The following FAM120C variants were observed in gnomAD, a reference collection of about 807,000 sequenced individuals.
FAM120C encodes the protein constitutive coactivator of PPAR-gamma-like protein 2.
A neutral mutation model predicts 71.2 loss-of-function variants in FAM120C; 14 were observed. The observed-to-expected ratio is 0.20, with a 90% CI of 0.13 to 0.31. FAM120C has a LOEUF of 0.31. Ranked by LOEUF, FAM120C falls within the 10% of genes least tolerant of loss-of-function variation. FAM120C has a pLI of 1.00. For synonymous variants in FAM120C, 354 were observed against 353.2 expected, an observed-to-expected ratio of 1.00 and a Z score of -0.03; for missense variants, 500 against 879.0, an observed-to-expected ratio of 0.57 and a Z score of 5.45.
intron 4 of FAM120C, among the ~76,000 whole-genome samples, chrX:54,137,178 C>A (rs1398009227): frequency 4.5e-5 from 5 of 111,189 alleles, no homozygotes; most frequent in African/African-American, 1.6e-4. Context: ...GTCTCGAACT[C>A]CTGACCTCAA....
chrX:54,087,815 C>G lies in FAM120C; in HGVS notation c.2577G>C (p.Gln859His), dbSNP rs782012711. 2.5e-6 allele frequency: 3 copies of G among 1,209,406 alleles called. No homozygotes were observed. Among genetic ancestry groups the G allele is most frequent in the Non-Finnish European group, 3.4e-6 (3 of 895,197 alleles). The change falls in exon 12 of 16, where the codon CAG becomes CAC. Residue 859 changes from glutamine to histidine, a missense_variant. By Grantham distance (24) the Gln-to-His change is conservative. Transcript: ENST00000375180. ...CTCGGCCTGCTTTAATTAGCTTGCT[C>G]TGGAACAGCTTGCCATCAAAGTAAA... ...PWIYFDGKLF[Q>H]SKLIKAGRER...
At chrX:54,106,859 C>T (rs1603354360) in intron 10 of FAM120C, among the ~76,000 whole-genome samples, 1 of 111,823 alleles carries the variant, frequency 8.9e-6, no homozygotes, top group Non-Finnish European at 1.9e-5. Flanking sequence ...GATACCATCT[C>T]ACACCAGTTA....
intron 4 of FAM120C, chrX:54,147,599 C>A (rs868991953): frequency 1.5e-4 from 18 of 118,782 alleles, no homozygotes; most frequent in African/African-American, 5.4e-4. Flanking sequence ...GGCATGGACT[C>A]TGTGAAGGAA....
intron 10 of FAM120C, among the ~76,000 whole-genome samples, chrX:54,112,154 T>C (rs1201300673): frequency 1.8e-5 from 2 of 112,160 alleles, no homozygotes; most frequent in African/African-American, 6.5e-5. Context: ...TGGTGGCTTA[T>C]GCCTGTAATC....
intron 10 of FAM120C, among the ~76,000 whole-genome samples, chrX:54,097,127 A>C (rs1260750613): frequency 8.9e-6 from 1 of 112,329 alleles, no homozygotes; most frequent in African/African-American, 3.2e-5. Context: ...ACCTGATCCA[A>C]GTGAAACAAT....
At chrX:54,090,731 T>C (rs1341030088) in intron 11 of FAM120C, among the ~76,000 whole-genome samples, 1 of 111,369 alleles carries the variant, frequency 9.0e-6, no homozygotes, top group Non-Finnish European at 1.9e-5. Context: ...TATTCTTTTA[T>C]AGCAACACAA....
At position 54,068,423 on chromosome X, in the gene FAM120C, A is replaced by G. The variant is rs1557119748; in HGVS notation, c.*4610T>C. On this transcript the variant is annotated 3_prime_UTR_variant, in exon 16 of 16. Transcript: ENST00000375180. ...AGAACAACAGACCAATTTCCATCAC[A>G]GAACAACTCCTGAGGCATTCTCATT... 8.9e-6 allele frequency: 1 copy of G among 111,943 alleles called. No individual in the cohort carries two copies. Among genetic ancestry groups the G allele is most frequent in the African/African-American group, 3.2e-5 (1 of 30,817 alleles). The allele number at this position is 111,943 out of a possible 1,213,427, so 9.2% of individuals were successfully genotyped here. A position where few individuals can be genotyped will look rare whatever the true frequency, so the allele number is the denominator to read the frequency against.
At chrX:54,129,244 G>C (rs1433268243) in intron 9 of FAM120C, among the ~76,000 whole-genome samples, 3 of 108,628 alleles carry the variant, frequency 2.8e-5, no homozygotes, top group African/African-American at 1.0e-4. Context: ...GCCGGGCGGA[G>C]GGGCTCCTCA....
intron 4 of FAM120C, among the ~76,000 whole-genome samples, chrX:54,142,454 T>C (rs927345232): frequency 5.4e-5 from 6 of 111,678 alleles, no homozygotes; most frequent in Non-Finnish European, 3.8e-5. Flanking sequence ...CGGAGGGTCC[T>C]ACACACGGAG....
chrX:54,068,887 G>A lies in FAM120C; in HGVS notation c.*4146C>T, dbSNP rs1337085640. On this transcript the variant is annotated 3_prime_UTR_variant, in exon 16 of 16. Coordinates refer to ENST00000375180, the MANE Select transcript of FAM120C (RefSeq NM_017848.6). ...GTGCTTTCTGGGAAGCAATTAAAAT[G>A]AAGTCATCAGATTTGGCTGGGTTAT... is the stretch of plus-strand genomic sequence containing the variant. 9.0e-6 allele frequency: 1 copy of A among 111,178 alleles called. No homozygotes were observed. The highest frequency in any genetic ancestry group is 1.9e-5 in the Non-Finnish European group (1 of 53,037). 9.2% of individuals were successfully genotyped at this position (111,178 alleles called of 1,213,427 possible). A position where few individuals can be genotyped will look rare whatever the true frequency, so the allele number is the denominator to read the frequency against.
intron 11 of FAM120C, among the ~76,000 whole-genome samples, chrX:54,090,318 G>A (rs975072473): frequency 4.6e-5 from 5 of 107,559 alleles, no homozygotes; most frequent in Admixed American, 1.0e-4. Context: ...TGCAATCTCC[G>A]CCTCCCGGGT....
At chrX:54,117,630 G>A (rs782775807) in intron 9 of FAM120C, among the ~76,000 whole-genome samples, 61 of 107,013 alleles carry the variant, frequency 5.7e-4, no homozygotes, top group African/African-American at 2.0e-3. Flanking sequence ...CCTGGGAGGC[G>A]GAGATTGCAG....
intron 14 of FAM120C, among the ~76,000 whole-genome samples, chrX:54,080,581 C>T (rs782093364): frequency 1.8e-5 from 2 of 111,700 alleles, no homozygotes; most frequent in African/African-American, 3.3e-5. Flanking sequence ...AAAGTTGGGC[C>T]GGGCGCGGTG....
chrX:54,085,914 A>G lies in FAM120C; in HGVS notation c.2640T>C (p.Ala880=). 8.3e-7 allele frequency: 1 copy of G among 1,210,836 alleles called. No homozygotes were observed. Among genetic ancestry groups the G allele is most frequent in the Non-Finnish European group, 1.1e-6 (1 of 894,597 alleles). The part of the protein sequence containing the change: ...VSLVELCDGQ[A]DLATKVEKMR... ...TCTTTTCCACTTTGGTTGCCAGGTC[A>G]GCCTTCAAATGAGGAAGAGTAATAA... Residue 880 remains alanine, a splice_region_variant and synonymous_variant, in exon 13 of 16, where the codon GCT becomes GCC. Coordinates refer to ENST00000375180, the MANE Select transcript of FAM120C (RefSeq NM_017848.6).
chrX:54,142,883 G>A lies in FAM120C; in HGVS notation c.1159-6293C>T, dbSNP rs1300722409. Among the ~76,000 whole-genome samples, 4 of 111,509 alleles carry A rather than the reference G, an allele frequency of 3.6e-5. No homozygotes were observed. In the Admixed American group the frequency reaches 3.8e-4, roughly 11 times the overall value. ...CTCATACAGCCGGGTGCCCCTCTGA[G>A]ATGAAGCTTCCAGAGGAAGGATCAG... On this transcript the variant is annotated intron_variant, in intron 4 of 15. Transcript: ENST00000375180.
chrX:54,080,082 A>C, intron 15 of FAM120C, 150 bp downstream of exon 15: 2 of 497,294 alleles, frequency 4.0e-6, no homozygotes, highest in Non-Finnish European at 7.0e-6. Context: ...AACCCTCACT[A>C]TACCACTAGA....
intron 1 of FAM120C, 58 bp from the exon 2 acceptor site, chrX:54,159,674 G>A: frequency 8.7e-7 from 1 of 1,152,915 alleles, no homozygotes; most frequent in Non-Finnish European, 1.2e-6. Flanking sequence ...TTGTTAGAAG[G>A]TCAGGAGGTT....
At chrX:54,158,506 C>T (rs1203988489) in intron 2 of FAM120C, among the ~76,000 whole-genome samples, 2 of 112,213 alleles carry the variant, frequency 1.8e-5, no homozygotes, top group Admixed American at 9.5e-5. Flanking sequence ...CGGTGTCTCA[C>T]GCCTGTAATC....
intron 10 of FAM120C, among the ~76,000 whole-genome samples, chrX:54,100,467 T>C (rs2066876623): frequency 1.8e-5 from 2 of 110,921 alleles, no homozygotes; most frequent in South Asian, 3.9e-4. Context: ...CACTCCAGCC[T>C]GGGTGACAGA....
Sources: allele counts gnomAD v4.1 joint callset (sites outside exome capture counted in the v4.1 genomes callset), GRCh38; gene constraint gnomAD v4.1.1; transcripts MANE v1.5; gene names NCBI Gene and HGNC (gene_info 2026-07-23, HGNC 2026-07-21).